The following SYT14 variants were observed in gnomAD, a reference collection of about 807,000 sequenced individuals.
SYT14 encodes synaptotagmin-14.
In SYT14, 32 loss-of-function variants were observed where a neutral mutation model predicts 74.2. That is an observed-to-expected ratio of 0.43 (90% confidence interval 0.33 to 0.58). The LOEUF (loss-of-function observed/expected upper bound fraction) is 0.58, where lower values mean the gene tolerates loss of function less well. Ranked by LOEUF, SYT14 falls within the 20% of genes least tolerant of loss-of-function variation. The pLI, the probability that SYT14 is intolerant of heterozygous loss-of-function variation, is 0.05. For synonymous variants in SYT14, 298 were observed against 337.7 expected, an observed-to-expected ratio of 0.88 and a Z score of 1.29; for missense variants, 791 against 981.8, an observed-to-expected ratio of 0.81 and a Z score of 2.60.
At chr1:209,956,156 G>A (rs971938455) in intron 2 of SYT14, among the ~76,000 whole-genome samples, 2 of 151,736 alleles carry the variant, frequency 1.3e-5, no homozygotes, top group Non-Finnish European at 2.9e-5. Context: ...CACCCTTCCC[G>A]CTATATTGAA....
At chr1:210,076,040 C>T (rs1333950288) in intron 5 of SYT14, among the ~76,000 whole-genome samples, 2 of 152,164 alleles carry the variant, frequency 1.3e-5, no homozygotes, top group Non-Finnish European at 2.9e-5. Flanking sequence ...TTTTATGTTG[C>T]CTCCAACTAA....
At chr1:210,026,439 A>G (rs918007178) in intron 5 of SYT14, among the ~76,000 whole-genome samples, 6 of 152,070 alleles carry the variant, frequency 3.9e-5, no homozygotes, top group Admixed American at 2.6e-4. Context: ...GTCTTTTGTT[A>G]TTGATAGCTT....
chr1:209,942,371 C>T (rs866675064), intron 1 of SYT14, among the ~76,000 whole-genome samples: 3 of 131,722 alleles, frequency 2.3e-5, no homozygotes, highest in Admixed American at 1.6e-4. Flanking sequence ...CCCCCCCCCC[C>T]CCGCTCTGTT....
intron 5 of SYT14, among the ~76,000 whole-genome samples, chr1:210,061,352 T>C (rs925208769): frequency 6.6e-6 from 1 of 152,018 alleles, no homozygotes; most frequent in Non-Finnish European, 1.5e-5. Context: ...ATTATCAAAA[T>C]ATATGCGTTT....
At chr1:209,975,159 CAG>C (rs1558103618) in intron 2 of SYT14, among the ~76,000 whole-genome samples, 1 of 152,188 alleles carries the variant, frequency 6.6e-6, no homozygotes, top group Non-Finnish European at 1.5e-5. Flanking sequence ...CATATGCAAA[CAG>C]GGACAATTTG....
At chr1:209,952,979 C>G (rs2078935766) in intron 2 of SYT14, 1 of 1,373,854 alleles carries the variant, frequency 7.3e-7, no homozygotes, top group Non-Finnish European at 9.8e-7. Flanking sequence ...CTAATAAAGC[C>G]TGGTTTCTAG....
At chr1:210,103,663 A>G (rs975544438) in intron 7 of SYT14, among the ~76,000 whole-genome samples, 1 of 151,928 alleles carries the variant, frequency 6.6e-6, no homozygotes, top group Non-Finnish European at 1.5e-5. Flanking sequence ...ATTTCTTTCT[A>G]CTGACTAGCC....
chr1:209,951,983 T>C (rs1232505571), intron 1 of SYT14, among the ~76,000 whole-genome samples: 10 of 152,126 alleles, frequency 6.6e-5, no homozygotes, highest in African/African-American at 2.4e-4. Flanking sequence ...GGGCACAAAG[T>C]AGTGCCTAGG....
rs533821807 is a variant in SYT14 at position 210,066,289 on chromosome 1, G to T, written c.1313-28033G>T. Among the ~76,000 whole-genome samples the T allele has an allele frequency of 3.3e-5, 5 of 152,014 alleles. No homozygotes were observed. The East Asian group carries it at 9.7e-4, about 29-fold the overall frequency. ...ATGGTATTTCTAGTTCTAGATCCCT[G>T]AGGAATCGCCACACTGACTTCCACA... On this transcript the variant is annotated intron_variant, in intron 5 of 9. Transcript: ENST00000637265.
intron 5 of SYT14, among the ~76,000 whole-genome samples, chr1:210,032,744 T>G (rs78230576): frequency 7.9e-6 from 1 of 127,138 alleles, no homozygotes; most frequent in African/African-American, 3.3e-5. Context: ...CAATTCTGTT[T>G]TTTTATTTAA....
Position 210,127,368 on chromosome 1 carries a change from G to A in SYT14, c.2034+26907G>A, listed in dbSNP as rs536177552. Among the ~76,000 whole-genome samples the A allele has an allele frequency of 2.6e-5, 4 of 152,344 alleles. No homozygotes were observed. The East Asian group carries it at 7.7e-4, about 29-fold the overall frequency. The stretch of plus-strand genomic sequence containing the variant: ...TTTGGCGGGGGAGGTGACAGTGTAA[G>A]TATGGCTGTGTTGGTGGTGGCTACA... On this transcript the variant is annotated intron_variant, in intron 7 of 9. Coordinates refer to ENST00000637265, the Ensembl canonical transcript of SYT14.
chr1:209,995,343 T>C (rs908364034), intron 2 of SYT14, among the ~76,000 whole-genome samples: 9 of 152,286 alleles, frequency 5.9e-5, no homozygotes, highest in Non-Finnish European at 7.4e-5. Context: ...ACTATTCTTA[T>C]ATCAGATAAA....
At chr1:209,968,471 T>TTCA (rs1436880202) in intron 2 of SYT14, among the ~76,000 whole-genome samples, 4 of 152,004 alleles carry the variant, frequency 2.6e-5, no homozygotes, top group Admixed American at 6.5e-5. Flanking sequence ...ATGGAGTAGT[T>TTCA]TCATATGGAG....
Position 210,110,056 on chromosome 1 carries a change from G to A in SYT14, c.2034+9595G>A, listed in dbSNP as rs544949328. Among the ~76,000 whole-genome samples, 4 of 152,254 alleles carry A rather than the reference G, an allele frequency of 2.6e-5. No individual in the cohort carries two copies. The East Asian group carries it at 7.7e-4, about 29-fold the overall frequency. On this transcript the variant is annotated intron_variant, in intron 7 of 9. Transcript: ENST00000637265. Reference sequence around the variant, plus strand: ...ACCACATGTTCTCACTCATAAGTGGGAGTTGAACAGTGAGAACACATGGAC... The same window carrying A: ...ACCACATGTTCTCACTCATAAGTGGAAGTTGAACAGTGAGAACACATGGAC...
chr1:210,075,501 A>G (rs2081481077), intron 5 of SYT14, among the ~76,000 whole-genome samples: 1 of 151,600 alleles, frequency 6.6e-6, no homozygotes, highest in African/African-American at 2.4e-5. Context: ...CGCCCGGCTA[A>G]TTTTTGTATT....
chr1:210,008,296 G>A (rs1304002427), intron 2 of SYT14, among the ~76,000 whole-genome samples: 1 of 152,136 alleles, frequency 6.6e-6, no homozygotes, highest in African/African-American at 2.4e-5. Context: ...GTTATTGACT[G>A]TATTCAACAA....
intron 2 of SYT14, among the ~76,000 whole-genome samples, chr1:210,009,678 A>G (rs984550411): frequency 2.3e-4 from 35 of 152,270 alleles, no homozygotes; most frequent in African/African-American, 8.4e-4. Context: ...AAATTTTCAA[A>G]TTTTGTTAAC....
At chr1:210,106,960 C>G (rs1029990473) in intron 7 of SYT14, among the ~76,000 whole-genome samples, 1 of 152,222 alleles carries the variant, frequency 6.6e-6, no homozygotes, top group Non-Finnish European at 1.5e-5. Context: ...AAGTTAGTTA[C>G]TTCTTAGATG....
chr1:209,955,670 G>A (rs1035979634), intron 2 of SYT14, among the ~76,000 whole-genome samples: 3 of 151,982 alleles, frequency 2.0e-5, no homozygotes, highest in Non-Finnish European at 4.4e-5. Context: ...TTTTTCTATG[G>A]ATTCTCATTA....
Sources: allele counts gnomAD v4.1 joint callset (sites outside exome capture counted in the v4.1 genomes callset), GRCh38; gene constraint gnomAD v4.1.1; transcripts MANE v1.5; gene names NCBI Gene and HGNC (gene_info 2026-07-23, HGNC 2026-07-21).